ITGA8: variants seen among roughly 807,000 people sequenced by gnomAD.
ITGA8 encodes the protein integrin subunit alpha 8, also known as integrin alpha-8.
ITGA8 carries 91 observed loss-of-function variants against 142.3 expected under a neutral mutation model. The observed-to-expected ratio is 0.64, with a 90% CI of 0.54 to 0.76. The LOEUF is 0.76. Among genes scored for constraint, ITGA8 ranks in the 30% least tolerant of loss-of-function variants. The probability of loss-of-function intolerance (pLI) is 0.00; values close to 1 mark genes in which losing one functional copy is unlikely to be tolerated. For missense variants in ITGA8, 1,406 were observed against 1,327.7 expected (o/e 1.06, Z -0.92); for synonymous variants, 505 against 485.2 (o/e 1.04, Z -0.54).
At chr10:15,591,250 G>T (rs1432230189) in intron 22 of ITGA8, among the ~76,000 whole-genome samples, 1 of 151,818 alleles carries the variant, frequency 6.6e-6, no homozygotes, top group South Asian at 2.1e-4. Flanking sequence ...GCCAGGCAAG[G>T]TATAAATAAA....
At chr10:15,672,569 A>G in intron 7 of ITGA8, 55 bp downstream of exon 7, 1 of 1,559,764 alleles carries the variant, frequency 6.4e-7, no homozygotes, top group South Asian at 1.2e-5. Context: ...TTGCATCTAC[A>G]TTTACTATGC....
At position 15,719,647 on chromosome 10, in the gene ITGA8, T is replaced by C. The variant is rs774718235; in HGVS notation, c.125A>G (p.Asp42Gly). Residue 42 changes from aspartate (D) to glycine (G), a missense_variant, in exon 1 of 30, where the codon GAC becomes GGC. By Grantham distance (94) the Asp-to-Gly change is moderately conservative. Transcript: ENST00000378076. The stretch of plus-strand genomic sequence containing the variant: ...GCTGTACACTGTGAGCTTTTCCACG[T>C]CCAGGTTGAACGCCTGACAGGCGGG... Reference protein sequence around the residue: ...WSPACQAFNLDVEKLTVYSGP... With the variant: ...WSPACQAFNLGVEKLTVYSGP... The C allele has an allele frequency of 2.0e-6, 3 of 1,528,490 alleles. No individual in the cohort carries two copies. The South Asian group carries it at 3.8e-5, about 19-fold the overall frequency. 94.7% of individuals were successfully genotyped at this position (1,528,490 alleles called of 1,614,324 possible).
intron 21 of ITGA8, among the ~76,000 whole-genome samples, chr10:15,595,049 T>G (rs1317887801): frequency 6.6e-6 from 1 of 152,144 alleles, no homozygotes; most frequent in Admixed American, 6.5e-5. Flanking sequence ...AAAAAAATTT[T>G]CCCATGAGAA....
intron 8 of ITGA8, among the ~76,000 whole-genome samples, chr10:15,662,903 C>T (rs747937704): frequency 2.0e-5 from 3 of 152,204 alleles, no homozygotes; most frequent in Non-Finnish European, 4.4e-5. Context: ...TAGCTCACTA[C>T]ACCTCACTCT....
intron 2 of ITGA8, among the ~76,000 whole-genome samples, chr10:15,715,027 A>T (rs1455994846): frequency 6.6e-6 from 1 of 152,180 alleles, no homozygotes; most frequent in Non-Finnish European, 1.5e-5. Flanking sequence ...TTTATGCCTG[A>T]CACATCACAC....
intron 11 of ITGA8, among the ~76,000 whole-genome samples, chr10:15,654,301 T>G (rs1170467943): frequency 1.3e-5 from 2 of 152,216 alleles, no homozygotes; most frequent in Non-Finnish European, 2.9e-5. Context: ...AACATACTCT[T>G]TACTCATTTA....
chr10:15,533,165 CT>C (rs753265773), intron 27 of ITGA8, among the ~76,000 whole-genome samples: 46 of 152,288 alleles, frequency 3.0e-4, no homozygotes, highest in Admixed American at 1.0e-3. Context: ...TCTTTTTCCC[CT>C]GTGGCAGAAT....
intron 13 of ITGA8, among the ~76,000 whole-genome samples, chr10:15,619,845 T>C (rs1161886073): frequency 1.3e-5 from 2 of 152,266 alleles, no homozygotes; most frequent in African/African-American, 2.4e-5. Flanking sequence ...TCTGTTGACA[T>C]GACACCAGAT....
At chr10:15,682,168 C>G (rs150916784) in intron 4 of ITGA8, among the ~76,000 whole-genome samples, 399 of 152,260 alleles carry the variant, frequency 2.6e-3, no homozygotes, top group African/African-American at 9.3e-3. Context: ...CCTTCTTTCT[C>G]GTCTTGCTGT....
intron 18 of ITGA8, 116 bp from the exon 19 acceptor site, chr10:15,605,907 T>G (rs1316721964): frequency 9.2e-6 from 8 of 866,286 alleles, no homozygotes; most frequent in Admixed American, 2.0e-5. Context: ...TCACTATGCA[T>G]GACTCTACCC....
intron 9 of ITGA8, 103 bp downstream of exon 9, chr10:15,660,776 G>T: frequency 1.1e-6 from 1 of 931,128 alleles, no homozygotes; most frequent in Non-Finnish European, 1.7e-6. Flanking sequence ...GTTTTCAACT[G>T]ACAGTATTTT....
intron 12 of ITGA8, among the ~76,000 whole-genome samples, chr10:15,645,451 G>T (rs764999139): frequency 5.4e-4 from 82 of 152,144 alleles, no homozygotes; most frequent in Non-Finnish European, 1.1e-3. Context: ...TATTTTACTT[G>T]AGTGATCAGG....
intron 13 of ITGA8, among the ~76,000 whole-genome samples, chr10:15,632,002 C>T (rs1338969698): frequency 6.6e-6 from 1 of 151,988 alleles, no homozygotes; most frequent in Non-Finnish European, 1.5e-5. Context: ...TCTCTTGTAT[C>T]TGGCGAGGGA....
intron 20 of ITGA8, among the ~76,000 whole-genome samples, chr10:15,599,239 G>A (rs1354505948): frequency 6.6e-6 from 1 of 151,082 alleles, no homozygotes; most frequent in African/African-American, 2.4e-5. Context: ...ATTTCCTCTC[G>A]TTAATAAGAG....
intron 15 of ITGA8, 75 bp from the exon 16 acceptor site, chr10:15,608,365 C>A: frequency 1.2e-6 from 1 of 819,854 alleles, no homozygotes; most frequent in South Asian, 1.6e-5. Flanking sequence ...TACCTAATCC[C>A]AGATAACGAA....
At chr10:15,675,732 C>G (rs1297993394) in intron 6 of ITGA8, among the ~76,000 whole-genome samples, 1 of 152,192 alleles carries the variant, frequency 6.6e-6, no homozygotes, top group Non-Finnish European at 1.5e-5. Context: ...CAAACAACAT[C>G]TTCTTACTCT....
At position 15,608,307 on chromosome 10, in the gene ITGA8, T is replaced by C. The variant is rs1314144292; in HGVS notation, c.1554-17A>G. On this transcript the variant is annotated splice_polypyrimidine_tract_variant and intron_variant, in intron 15 of 29. Transcript: ENST00000378076. ...AAAGAAAAGCTATAGAAAATAGTAGTAATTTATTGGTTAATAAAGTTTTGA... is the reference window on the plus strand; with the variant it reads ...AAAGAAAAGCTATAGAAAATAGTAGCAATTTATTGGTTAATAAAGTTTTGA... The C allele has an allele frequency of 6.5e-7, 1 of 1,540,986 alleles. No homozygotes were observed. The highest frequency in any genetic ancestry group is 2.0e-5 in the Admixed American group (1 of 51,002).
intron 23 of ITGA8, among the ~76,000 whole-genome samples, chr10:15,580,054 G>A (rs1588656198): frequency 9.8e-6 from 1 of 102,404 alleles, no homozygotes. Context: ...AGAAAACAAA[G>A]AAAAATTAAT....
At chr10:15,577,850 T>C (rs114142304) in intron 23 of ITGA8, among the ~76,000 whole-genome samples, 2,190 of 152,256 alleles carry the variant, frequency 0.014, 57 homozygotes, top group African/African-American at 0.05. Flanking sequence ...GATAGAACGT[T>C]ATCCCAGTAA....
Sources: allele counts gnomAD v4.1 joint callset (sites outside exome capture counted in the v4.1 genomes callset), GRCh38; gene constraint gnomAD v4.1.1; transcripts MANE v1.5; gene names NCBI Gene and HGNC (gene_info 2026-07-23, HGNC 2026-07-21).